UNC13B: variants seen among roughly 807,000 people sequenced by gnomAD.
UNC13B encodes the protein protein unc-13 homolog B.
Under a neutral mutation model 211.0 loss-of-function variants are expected in UNC13B, and 144 were observed. The ratio of observed to expected loss-of-function variants is 0.68; its 90% CI spans 0.60 to 0.78. UNC13B has a LOEUF of 0.78. Among genes scored for constraint, UNC13B ranks in the 30% least tolerant of loss-of-function variants. The pLI is 0.00. For synonymous variants in UNC13B, 709 were observed against 725.8 expected, an observed-to-expected ratio of 0.98 and a Z score of 0.37; for missense variants, 1,777 against 2,002.0, an observed-to-expected ratio of 0.89 and a Z score of 2.14.
chr9:35,278,746 G>A (rs538928808), intron 7 of UNC13B, among the ~76,000 whole-genome samples: 3 of 151,324 alleles, frequency 2.0e-5, no homozygotes, highest in African/African-American at 7.4e-5. Context: ...TTTTTGAAAG[G>A]AAACATGTGC....
At chr9:35,239,403 G>A (rs1402550378) in intron 5 of UNC13B, among the ~76,000 whole-genome samples, 1 of 152,172 alleles carries the variant, frequency 6.6e-6, no homozygotes, top group East Asian at 1.9e-4. Flanking sequence ...AGGAGGGAGT[G>A]TACGAATAGG....
At chr9:35,261,432 CA>C (rs1160699212) in intron 7 of UNC13B, among the ~76,000 whole-genome samples, 1 of 151,800 alleles carries the variant, frequency 6.6e-6, no homozygotes, top group East Asian at 1.9e-4. Flanking sequence ...TAATTGTCCC[CA>C]AAAATATTTT....
At chr9:35,378,066 G>A (rs749000972) in intron 16 of UNC13B, among the ~76,000 whole-genome samples, 5 of 152,124 alleles carry the variant, frequency 3.3e-5, no homozygotes, top group Admixed American at 1.3e-4. Flanking sequence ...ATCAGAGGGT[G>A]TAAAGATCAA....
intron 11 of UNC13B, among the ~76,000 whole-genome samples, chr9:35,331,577 A>G (rs1240668378): frequency 6.6e-6 from 1 of 152,150 alleles, no homozygotes; most frequent in Non-Finnish European, 1.5e-5. Context: ...GCCCCTAATA[A>G]GTGGGTACTG....
intron 11 of UNC13B, among the ~76,000 whole-genome samples, chr9:35,333,052 T>C (rs1218177589): frequency 2.0e-5 from 3 of 152,204 alleles, no homozygotes; most frequent in African/African-American, 7.2e-5. Context: ...TATATTGTTT[T>C]CTTGATCTAG....
intron 7 of UNC13B, among the ~76,000 whole-genome samples, chr9:35,266,166 G>C (rs1379622252): frequency 6.6e-6 from 1 of 152,118 alleles, no homozygotes; most frequent in African/African-American, 2.4e-5. Context: ...TCATCCCACT[G>C]TTAACTTCAG....
chr9:35,301,625 G>A lies in UNC13B; in HGVS notation c.2221G>A (p.Val741Ile), dbSNP rs530239978. 11 of 398,662 alleles carry A rather than the reference G, an allele frequency of 2.8e-5. No homozygotes were observed. Among genetic ancestry groups the A allele is most frequent in the Non-Finnish European group, 4.4e-5 (10 of 225,894 alleles). 24.7% of individuals were successfully genotyped at this position (398,662 alleles called of 1,614,324 possible). A position where few individuals can be genotyped will look rare whatever the true frequency, so the allele number is the denominator to read the frequency against. The stretch of plus-strand genomic sequence containing the variant: ...AGTAACCAGTGAACCTTCAAACTTA[G>A]TTAGTTCTGCAAGTAAAAATGATGA... Reference protein sequence around the residue: ...SQVTSEPSNLVSSASKNDESL... With the variant: ...SQVTSEPSNLISSASKNDESL... The change falls in exon 9 of 40, where the codon GTT becomes ATT. Residue 741 changes from valine to isoleucine, a missense_variant. Physicochemically the swap from Val to Ile is conservative, Grantham distance 29. Transcript: ENST00000635942.
chr9:35,230,711 AT>A lies in UNC13B; in HGVS notation c.53-404del, dbSNP rs527772115. 1.6e-3 allele frequency among the ~76,000 whole-genome samples: 241 copies of A among 151,716 alleles called. 2 individuals are homozygous for A. Among genetic ancestry groups the A allele is most frequent in the Non-Finnish European group, 3.1e-3 (210 of 67,942 alleles). On this transcript the variant is annotated intron_variant, in intron 2 of 39. Transcript: ENST00000635942. ...TTCCTAGTAGGTCAATTAGATTTGGATTTTTCCCCCCAGATGGCAAGTGGGC... is the reference window on the plus strand; with the variant it reads ...TTCCTAGTAGGTCAATTAGATTTGGATTTTCCCCCCAGATGGCAAGTGGGC...
At chr9:35,239,885 C>T (rs745748645) in intron 5 of UNC13B, among the ~76,000 whole-genome samples, 4 of 152,138 alleles carry the variant, frequency 2.6e-5, no homozygotes, top group Admixed American at 6.5e-5. Flanking sequence ...CCCTGAACAT[C>T]GCTGTTATCC....
At chr9:35,234,531 A>T (rs1825386490) in intron 3 of UNC13B, among the ~76,000 whole-genome samples, 1 of 152,212 alleles carries the variant, frequency 6.6e-6, no homozygotes, top group African/African-American at 2.4e-5. Flanking sequence ...AAATTATGTG[A>T]CAAAAAGCTT....
chr9:35,371,814 T>C (rs780500606), intron 13 of UNC13B: 2 of 152,630 alleles, frequency 1.3e-5, no homozygotes, highest in Admixed American at 6.5e-5. Flanking sequence ...GCAGAGTGGA[T>C]TGGGAAATGC....
intron 26 of UNC13B, among the ~76,000 whole-genome samples, chr9:35,394,474 T>C (rs1835748009): frequency 6.6e-6 from 1 of 152,142 alleles, no homozygotes; most frequent in South Asian, 2.1e-4. Flanking sequence ...CACATGTCTG[T>C]AATCCCAGCT....
chr9:35,297,106 T>TTG, intron 8 of UNC13B, among the ~76,000 whole-genome samples: 1 of 150,516 alleles, frequency 6.6e-6, no homozygotes, highest in Middle Eastern at 3.4e-3. Context: ...TTTTTTTTTT[T>TTG]GAGACAGAGT....
At chr9:35,266,690 T>C (rs1827596043) in intron 7 of UNC13B, among the ~76,000 whole-genome samples, 1 of 152,254 alleles carries the variant, frequency 6.6e-6, no homozygotes. Flanking sequence ...CCTTTCTCTT[T>C]TAGCATTCAG....
At chr9:35,257,453 C>T (rs1308612287) in intron 6 of UNC13B, among the ~76,000 whole-genome samples, 2 of 143,692 alleles carry the variant, frequency 1.4e-5, no homozygotes, top group Non-Finnish European at 3.0e-5. Flanking sequence ...TGGTGGCTCA[C>T]GCCTGTAATC....
At chr9:35,393,800 G>C (rs13292800) in intron 26 of UNC13B, among the ~76,000 whole-genome samples, 4 of 152,054 alleles carry the variant, frequency 2.6e-5, no homozygotes, top group Middle Eastern at 6.8e-3. Context: ...TTGAACCCTA[G>C]CCTCAAGTGA....
At chr9:35,314,566 T>G (rs191656687) in intron 11 of UNC13B, among the ~76,000 whole-genome samples, 3 of 152,258 alleles carry the variant, frequency 2.0e-5, no homozygotes, top group Non-Finnish European at 4.4e-5. Context: ...CCATATAAAT[T>G]TAGGAGGTAC....
chr9:35,364,661 G>C (rs1833660710), intron 11 of UNC13B: 4 of 1,319,048 alleles, frequency 3.0e-6, no homozygotes, highest in South Asian at 1.4e-5. Context: ...GTGTGTGTGT[G>C]TGTACATGCA....
In UNC13B at chr9:35,376,051, C is replaced by T. The variant is rs138799386; in HGVS notation, c.9639C>T (p.Thr3213=). 2.4e-5 allele frequency: 38 copies of T among 1,614,128 alleles called. No homozygotes were observed. In the African/African-American group the frequency reaches 4.5e-4, roughly 19 times the overall value. The change falls in exon 15 of 40, where the codon ACC becomes ACT. Residue 3213 remains threonine (T), a synonymous_variant. Coordinates refer to ENST00000635942, the MANE Select transcript of UNC13B (RefSeq NM_001371189.2). The part of the protein sequence containing the change: ...EELKSHVYKK[T]LQALIYPISC... Reference sequence around the variant, plus strand: ...AGAAATCCCACGTGTATAAGAAAACCCTGCAGGCCTTAATCTACCCCATTT... The same window carrying T: ...AGAAATCCCACGTGTATAAGAAAACTCTGCAGGCCTTAATCTACCCCATTT...
Sources: gnomAD v4.1 joint callset for allele counts (sites outside exome capture counted in the v4.1 genomes callset) on GRCh38, gnomAD v4.1.1 for gene constraint, MANE v1.5 for transcripts, NCBI Gene and HGNC (gene_info 2026-07-23, HGNC 2026-07-21) for gene names.